LUZP2: variants seen among roughly 807,000 people sequenced by gnomAD.
LUZP2 encodes the protein leucine zipper protein 2.
In LUZP2, 52 loss-of-function variants were observed where a neutral mutation model predicts 51.6. That is an observed-to-expected ratio of 1.01 (90% CI 0.81 to 1.27). LUZP2 has a LOEUF of 1.27. Among genes scored for constraint, LUZP2 ranks in the 50% most tolerant of loss-of-function variants. The pLI is 0.00. For synonymous variants in LUZP2, 154 were observed against 137.3 expected (o/e 1.12, Z -0.85); for missense variants, 436 against 395.4 (o/e 1.10, Z -0.87).
chr11:24,899,160 ACCT>A (rs1182828456), intron 5 of LUZP2, among the ~76,000 whole-genome samples: 1 of 152,166 alleles, frequency 6.6e-6, no homozygotes, highest in Non-Finnish European at 1.5e-5. Context: ...ATGTGTAATG[ACCT>A]CATCAGGGAT....
chr11:24,913,073 A>C (rs1337262856), intron 6 of LUZP2, among the ~76,000 whole-genome samples: 1 of 152,110 alleles, frequency 6.6e-6, no homozygotes, highest in African/African-American at 2.4e-5. Flanking sequence ...TTTTATTGAG[A>C]TTTATCTAGT....
At chr11:24,790,939 G>A (rs144467965) in intron 5 of LUZP2, among the ~76,000 whole-genome samples, 1,791 of 152,114 alleles carry the variant, frequency 0.012, 20 homozygotes, top group Admixed American at 0.019. Flanking sequence ...TTTGTCTTAA[G>A]TTTATGAGTG....
At chr11:24,646,848 T>G (rs912535920) in intron 1 of LUZP2, among the ~76,000 whole-genome samples, 1 of 152,030 alleles carries the variant, frequency 6.6e-6, no homozygotes, top group African/African-American at 2.4e-5. Flanking sequence ...CTACTTTTAG[T>G]GCATGCCAGT....
intron 5 of LUZP2, among the ~76,000 whole-genome samples, chr11:24,895,515 C>T (rs1853011827): frequency 6.6e-6 from 1 of 152,156 alleles, no homozygotes; most frequent in Non-Finnish European, 1.5e-5. Flanking sequence ...CTGCCTCCCT[C>T]ACTCCCCACT....
At chr11:24,776,349 C>T (rs1037924905) in intron 5 of LUZP2, among the ~76,000 whole-genome samples, 5 of 149,358 alleles carry the variant, frequency 3.3e-5, no homozygotes, top group South Asian at 2.1e-4. Context: ...CCTGAGTCAA[C>T]CACCATGGTC....
At chr11:24,966,963 A>G (rs1855603198) in intron 7 of LUZP2, among the ~76,000 whole-genome samples, 1 of 150,192 alleles carries the variant, frequency 6.7e-6, no homozygotes, top group Non-Finnish European at 1.5e-5. Flanking sequence ...TAAACTTAGT[A>G]TTTTTAATGC....
chr11:24,562,617 G>A (rs566099645), intron 1 of LUZP2, among the ~76,000 whole-genome samples: 1 of 151,770 alleles, frequency 6.6e-6, no homozygotes, highest in East Asian at 2.0e-4. Flanking sequence ...AATTTGGGAG[G>A]CTGAGGCGAG....
intron 4 of LUZP2, among the ~76,000 whole-genome samples, chr11:24,755,029 C>T (rs1338062899): frequency 6.6e-6 from 1 of 151,926 alleles, no homozygotes; most frequent in African/African-American, 2.4e-5. Context: ...CTTGTAATCC[C>T]AGCTACTCGG....
intron 9 of LUZP2, among the ~76,000 whole-genome samples, chr11:25,009,201 C>T (rs1187693042): frequency 6.6e-6 from 1 of 152,092 alleles, no homozygotes; most frequent in African/African-American, 2.4e-5. Flanking sequence ...GTTAAAGTAT[C>T]CATATAGCTC....
intron 1 of LUZP2, among the ~76,000 whole-genome samples, chr11:24,599,818 T>TA (rs202163840): frequency 9.3e-4 from 141 of 151,962 alleles, no homozygotes; most frequent in African/African-American, 2.3e-3. Context: ...GAAAAGTACG[T>TA]AAAAAAAACA....
intron 7 of LUZP2, among the ~76,000 whole-genome samples, chr11:24,941,096 G>A (rs920855717): frequency 6.6e-6 from 1 of 152,170 alleles, no homozygotes; most frequent in Admixed American, 6.5e-5. Context: ...AGAATTCTCA[G>A]GGTAACCCAC....
At chr11:24,517,502 A>G (rs1032841706) in intron 1 of LUZP2, among the ~76,000 whole-genome samples, 1 of 150,288 alleles carries the variant, frequency 6.7e-6, no homozygotes, top group Non-Finnish European at 1.5e-5. Flanking sequence ...AAAAAAAAAA[A>G]AAAAAAAAAA....
intron 7 of LUZP2, among the ~76,000 whole-genome samples, chr11:24,964,486 A>G (rs191404568): frequency 3.3e-5 from 5 of 152,260 alleles, no homozygotes; most frequent in Admixed American, 6.5e-5. Context: ...CAAACTACCT[A>G]TGTAGTTTAC....
intron 1 of LUZP2, among the ~76,000 whole-genome samples, chr11:24,689,036 T>A (rs1004342407): frequency 5.3e-5 from 8 of 151,962 alleles, no homozygotes; most frequent in African/African-American, 1.9e-4. Flanking sequence ...AGCCAAGGGG[T>A]ATAAGGCAGA....
At chr11:24,991,376 A>ATGTGTG (rs745691448) in intron 9 of LUZP2, among the ~76,000 whole-genome samples, 49 of 126,210 alleles carry the variant, frequency 3.9e-4, no homozygotes, top group African/African-American at 1.2e-3. Flanking sequence ...GTGTATATAT[A>ATGTGTG]TGTGTGTGTG....
intron 1 of LUZP2, among the ~76,000 whole-genome samples, chr11:24,544,212 T>C (rs1851470357): frequency 6.6e-6 from 1 of 152,044 alleles, no homozygotes; most frequent in Non-Finnish European, 1.5e-5. Flanking sequence ...TCTTCAGTAA[T>C]TGCCTGTCCG....
chr11:24,518,722 A>C (rs1248934113), intron 1 of LUZP2, among the ~76,000 whole-genome samples: 1 of 152,204 alleles, frequency 6.6e-6, no homozygotes, highest in Non-Finnish European at 1.5e-5. Flanking sequence ...GTGACCAAAA[A>C]TTCTCTGAAA....
chr11:24,938,616 T>A (rs1468520566), intron 7 of LUZP2, among the ~76,000 whole-genome samples: 2 of 152,152 alleles, frequency 1.3e-5, no homozygotes, highest in Non-Finnish European at 2.9e-5. Context: ...GTTAACTCAA[T>A]GTTGCACCAC....
At chr11:24,666,822 GCCCAAAA>G (rs1330612023) in intron 1 of LUZP2, among the ~76,000 whole-genome samples, 1 of 152,126 alleles carries the variant, frequency 6.6e-6, no homozygotes, top group East Asian at 1.9e-4. Flanking sequence ...GATTGTTTTA[GCCCAAAA>G]CCCAAAACTA....
Sources: gnomAD v4.1 joint callset for allele counts (sites outside exome capture counted in the v4.1 genomes callset) on GRCh38, gnomAD v4.1.1 for gene constraint, MANE v1.5 for transcripts, NCBI Gene and HGNC (gene_info 2026-07-23, HGNC 2026-07-21) for gene names.